Variants in NR1D2 observed in about 807,000 individuals in gnomAD.
NR1D2 encodes nuclear receptor subfamily 1 group D member 2, also known as V-erbA-related protein 1-related.
In NR1D2, 25 loss-of-function variants were observed where a neutral mutation model predicts 52.2. That is an observed-to-expected ratio of 0.48 (90% confidence interval 0.35 to 0.67). NR1D2 has a LOEUF of 0.67. Among genes scored for constraint, NR1D2 ranks in the 30% least tolerant of loss-of-function variants. The pLI is 0.01. For synonymous variants in NR1D2, 259 were observed against 230.1 expected (o/e 1.13, Z -1.14); for missense variants, 681 against 707.2 (o/e 0.96, Z 0.42).
intron 5 of NR1D2, 195 bp from the exon 6 acceptor site, chr3:23,964,782 A>C: frequency 2.2e-6 from 1 of 449,592 alleles, no homozygotes; most frequent in South Asian, 5.0e-5. Context: ...GTTAATTGCT[A>C]TTTATATTAG....
chr3:23,956,996 T>G (rs1706096087), intron 3 of NR1D2, among the ~76,000 whole-genome samples: 1 of 152,068 alleles, frequency 6.6e-6, no homozygotes, highest in Non-Finnish European at 1.5e-5. Context: ...AGTTTTTTTT[T>G]TTTTAGATGG....
At position 23,966,828 on chromosome 3, in the gene NR1D2, G is replaced by A. The variant is rs140565938; in HGVS notation, c.1333-985G>A. Among the ~76,000 whole-genome samples the A allele has an allele frequency of 2.2e-3, 329 of 152,156 alleles. 1 individual carries two copies. The highest frequency in any genetic ancestry group is 7.2e-3 in the African/African-American group (298 of 41,500). ...GCCGATCACTTGAGTCCAGGAGTTC[G>A]AGACCAGCCTAGGCAACATGGTGAA... On this transcript the variant is annotated intron_variant, in intron 6 of 7. Coordinates refer to ENST00000312521, the MANE Select transcript of NR1D2 (RefSeq NM_005126.5).
chr3:23,962,862 G>A lies in NR1D2; in HGVS notation c.1146+257G>A, dbSNP rs142246372. Among the ~76,000 whole-genome samples the A allele has an allele frequency of 2.1e-3, 320 of 152,310 alleles. 1 individual carries two copies. The highest frequency in any genetic ancestry group is 7.1e-3 in the African/African-American group (297 of 41,550). ...GGGATTAGGATTTTATGTAAAATATGATTCATGCAGAATTGGTCCTTTAAT... is the reference window on the plus strand; with the variant it reads ...GGGATTAGGATTTTATGTAAAATATAATTCATGCAGAATTGGTCCTTTAAT... On this transcript the variant is annotated intron_variant, in intron 5 of 7. Coordinates refer to ENST00000312521, the MANE Select transcript of NR1D2 (RefSeq NM_005126.5).
At position 23,953,826 on chromosome 3, in the gene NR1D2, T is replaced by C. The variant is rs1266078423; in HGVS notation, c.17-711T>C. On this transcript the variant is annotated intron_variant, in intron 1 of 7. Coordinates refer to ENST00000312521, the MANE Select transcript of NR1D2 (RefSeq NM_005126.5). ...TTTCTAGGATTGTGTCAGATAACTA[T>C]AACAGGAGGCAAAGAAGAGACCAGA... 2.0e-5 allele frequency among the ~76,000 whole-genome samples: 3 copies of C among 152,338 alleles called. No individual in the cohort carries two copies. In the East Asian group the frequency reaches 5.8e-4, roughly 29 times the overall value.
Position 23,954,817 on chromosome 3 carries a change from G to C in NR1D2, c.283+14G>C. On this transcript the variant is annotated intron_variant, in intron 2 of 7. Coordinates refer to ENST00000312521, the MANE Select transcript of NR1D2 (RefSeq NM_005126.5). Reference sequence around the variant, plus strand: ...GTGGTGTGACAAGTAAGTTACTTTGGTTTTCTAAAGATTGCTGCCATTAAT... The same window carrying C: ...GTGGTGTGACAAGTAAGTTACTTTGCTTTTCTAAAGATTGCTGCCATTAAT... 6.2e-7 allele frequency: 1 copy of C among 1,607,040 alleles called. No individual in the cohort carries two copies. The highest frequency in any genetic ancestry group is 8.5e-7 in the Non-Finnish European group (1 of 1,174,550).
intron 1 of NR1D2, among the ~76,000 whole-genome samples, chr3:23,953,047 A>G (rs928924722): frequency 1.5e-4 from 23 of 151,638 alleles, no homozygotes; most frequent in African/African-American, 5.3e-4. Flanking sequence ...TTGTTTAAAA[A>G]TGATTGATAG....
At chr3:23,946,394 G>A in intron 1 of NR1D2, 7 of 718,620 alleles carry the variant, frequency 9.7e-6, no homozygotes, top group Non-Finnish European at 1.2e-5. Context: ...CGGGGAAGGC[G>A]TGGGGCTTTC....
intron 7 of NR1D2, among the ~76,000 whole-genome samples, chr3:23,975,313 A>G (rs1181267108): frequency 2.7e-5 from 4 of 148,566 alleles, no homozygotes; most frequent in African/African-American, 9.9e-5. Flanking sequence ...TTGTAAAGAC[A>G]AAGACTCACT....
At chr3:23,958,574 A>C (rs1219012586) in intron 3 of NR1D2, among the ~76,000 whole-genome samples, 2 of 149,930 alleles carry the variant, frequency 1.3e-5, no homozygotes, top group African/African-American at 4.9e-5. Flanking sequence ...CGGGAGTTCG[A>C]AGTTGCGGTG....
intron 1 of NR1D2, among the ~76,000 whole-genome samples, chr3:23,949,871 G>A (rs1180980734): frequency 6.6e-6 from 1 of 152,192 alleles, no homozygotes; most frequent in African/African-American, 2.4e-5. Context: ...TGTAGAAAAT[G>A]GGTAAGAAGA....
rs1286536193 is a variant in NR1D2 at position 23,967,822 on chromosome 3, G to T, written c.1342G>T (p.Val448Leu). ...LKAGTFEVLM[V>L]RFASLFDAKE... is the part of the protein sequence containing the mutation. The stretch of plus-strand genomic sequence containing the variant: ...CTTTTTCTTTTTCCAGGTTTTAATG[G>T]TACGGTTCGCATCATTATTTGATGC... Residue 448 changes from valine (V) to leucine (L), a missense_variant, in exon 7 of 8, where the codon GTA (valine) becomes TTA (leucine). Coordinates refer to ENST00000312521, the MANE Select transcript of NR1D2 (RefSeq NM_005126.5). 1 of 1,612,696 alleles carries T rather than the reference G, an allele frequency of 6.2e-7. No individual in the cohort carries two copies. The highest frequency in any genetic ancestry group is 8.5e-7 in the Non-Finnish European group (1 of 1,179,330).
At chr3:23,960,777 A>T (rs1008847695) in intron 4 of NR1D2, among the ~76,000 whole-genome samples, 2 of 152,242 alleles carry the variant, frequency 1.3e-5, no homozygotes, top group African/African-American at 4.8e-5. Context: ...ACTGACAATC[A>T]TTTGTGAAGG....
chr3:23,969,610 A>G (rs1005491405), intron 7 of NR1D2, among the ~76,000 whole-genome samples: 2 of 152,266 alleles, frequency 1.3e-5, no homozygotes, highest in East Asian at 1.9e-4. Context: ...CAGATAATCA[A>G]TACTTGTTAA....
At chr3:23,958,038 G>T (rs1410318532) in intron 3 of NR1D2, among the ~76,000 whole-genome samples, 2 of 152,160 alleles carry the variant, frequency 1.3e-5, no homozygotes, top group African/African-American at 2.4e-5. Flanking sequence ...GTCCTCCCTG[G>T]TACCATGAAA....
At position 23,973,333 on chromosome 3, in the gene NR1D2, C is replaced by G. The variant is rs575610421; in HGVS notation, c.1544-3890C>G. 3.3e-5 allele frequency among the ~76,000 whole-genome samples: 5 copies of G among 152,300 alleles called. No individual in the cohort carries two copies. In the East Asian group the frequency reaches 9.6e-4, roughly 29 times the overall value. ...CTAGATGGTATATCCTACTACACAC[C>G]TGGGTTTTATGGTATAGCCTATTGT... On this transcript the variant is annotated intron_variant, in intron 7 of 7. Coordinates refer to ENST00000312521, the MANE Select transcript of NR1D2 (RefSeq NM_005126.5).
chr3:23,955,520 A>T (rs1336674878), intron 2 of NR1D2, among the ~76,000 whole-genome samples: 2 of 152,198 alleles, frequency 1.3e-5, no homozygotes, highest in African/African-American at 4.8e-5. Context: ...TCAGTGCCAT[A>T]AGTTGTATTT....
At chr3:23,960,216 C>T (rs940542618) in intron 4 of NR1D2, among the ~76,000 whole-genome samples, 1 of 152,044 alleles carries the variant, frequency 6.6e-6, no homozygotes, top group Non-Finnish European at 1.5e-5. Flanking sequence ...CCAGACCAGC[C>T]ATGGTGAAAC....
rs369187169 is a variant in NR1D2 at position 23,962,350 on chromosome 3, T to A, written c.891T>A (p.Asn297Lys). ...IPKNMEQYNL[N>K]HDHCGNGLSS... is the part of the protein sequence containing the mutation. Reference sequence around the variant, plus strand: ...AGAACATGGAGCAATATAATTTAAATCATGATCATTGCGGCAATGGGCTTA... The same window carrying A: ...AGAACATGGAGCAATATAATTTAAAACATGATCATTGCGGCAATGGGCTTA... The change falls in exon 5 of 8, where the codon AAT becomes AAA. Residue 297 changes from asparagine (N) to lysine (K), a missense_variant. Physicochemically the swap from Asn to Lys is moderately conservative, Grantham distance 94. Coordinates refer to ENST00000312521, the MANE Select transcript of NR1D2 (RefSeq NM_005126.5). 3.6e-5 allele frequency: 58 copies of A among 1,614,138 alleles called. No homozygotes were observed. In the African/African-American group the frequency reaches 6.8e-4, roughly 19 times the overall value.
At chr3:23,964,126 T>A (rs1706374098) in intron 5 of NR1D2, among the ~76,000 whole-genome samples, 1 of 151,868 alleles carries the variant, frequency 6.6e-6, no homozygotes, top group Non-Finnish European at 1.5e-5. Flanking sequence ...TCACCCAGGC[T>A]GGAGTGCAGT....
Sources: gnomAD v4.1 joint callset for allele counts (sites outside exome capture counted in the v4.1 genomes callset) on GRCh38, gnomAD v4.1.1 for gene constraint, MANE v1.5 for transcripts, NCBI Gene and HGNC (gene_info 2026-07-23, HGNC 2026-07-21) for gene names.